The following SULT2B1 variants were observed in gnomAD, a reference collection of about 807,000 sequenced individuals.
SULT2B1 encodes the protein sulfotransferase family 2B member 1.
SULT2B1 carries 16 observed loss-of-function variants against 33.2 expected under a neutral mutation model. The observed-to-expected ratio is 0.48, with a 90% CI of 0.33 to 0.73. SULT2B1 has a LOEUF of 0.73. Ranked by LOEUF, SULT2B1 falls within the 30% of genes least tolerant of loss-of-function variation. The pLI, the probability that SULT2B1 is intolerant of heterozygous loss-of-function variation, is 0.02. For missense variants in SULT2B1, 500 were observed against 506.0 expected, an observed-to-expected ratio of 0.99 and a Z score of 0.11; for synonymous variants, 186 against 200.5, an observed-to-expected ratio of 0.93 and a Z score of 0.61.
At chr19:48,567,658 G>A (rs1348237473) in intron 1 of SULT2B1, among the ~76,000 whole-genome samples, 1 of 152,090 alleles carries the variant, frequency 6.6e-6, no homozygotes, top group Non-Finnish European at 1.5e-5. Flanking sequence ...TCTCCTGCTA[G>A]TGAGGAAGGC....
chr19:48,564,649 A>C (rs373053876), intron 1 of SULT2B1, among the ~76,000 whole-genome samples: 1 of 151,968 alleles, frequency 6.6e-6, no homozygotes, highest in East Asian at 1.9e-4. Context: ...CACCACCACT[A>C]AAATTTGGGG....
chr19:48,594,963 A>G (rs996104470), intron 5 of SULT2B1, among the ~76,000 whole-genome samples: 3 of 151,028 alleles, frequency 2.0e-5, no homozygotes. Flanking sequence ...TGGAGGTTGC[A>G]GTAAGCTGAG....
intron 5 of SULT2B1, among the ~76,000 whole-genome samples, chr19:48,594,800 C>G (rs1341496136): frequency 6.6e-6 from 1 of 152,160 alleles, no homozygotes; most frequent in Non-Finnish European, 1.5e-5. Flanking sequence ...AGGCAGATCA[C>G]TTGAGGTCAG....
rs574369839 is a variant in SULT2B1 at position 48,576,094 on chromosome 19, G to A, written c.214+11G>A. On this transcript the variant is annotated intron_variant, in intron 2 of 6. Transcript: ENST00000201586. ...CCTACCCCAAGTCAGGTACCTGCCG[G>A]GCTGCGGGCGTCGGGGGCTGGGGAG... 1.2e-5 allele frequency: 19 copies of A among 1,602,412 alleles called. No individual in the cohort carries two copies. In the South Asian group the frequency reaches 1.4e-4, roughly 12 times the overall value.
intron 1 of SULT2B1, among the ~76,000 whole-genome samples, chr19:48,567,003 A>T (rs948332201): frequency 1.4e-5 from 2 of 141,844 alleles, no homozygotes; most frequent in South Asian, 2.1e-4. Context: ...ACTCTGTTTT[A>T]AAAAAAAAGA....
intron 3 of SULT2B1, among the ~76,000 whole-genome samples, chr19:48,588,484 C>G (rs1973596448): frequency 6.8e-6 from 1 of 148,130 alleles, no homozygotes; most frequent in South Asian, 2.1e-4. Context: ...TGCACTCCAG[C>G]CTGGGCAACA....
Position 48,587,259 on chromosome 19 carries a change from TA to T in SULT2B1, c.247del (p.Ile83SerfsTer2), listed in dbSNP as rs1262161834. The T allele has an allele frequency of 6.2e-7, 1 of 1,613,868 alleles. No homozygotes were observed. On this transcript the variant is annotated frameshift_variant, in exon 3 of 7. Transcript: ENST00000201586. LOFTEE classifies it high-confidence loss of function. ...GTTWMIEIICLILKEGDPSWI... is the reference protein window; with the variant it reads ...GTTWMIEIICXILKEGDPSWI... The stretch of plus-strand genomic sequence containing the variant: ...ACCTGGATGATCGAGATCATCTGCT[TA>T]ATCCTGAAGGAAGGGGATCCATCCT...
At chr19:48,563,652 A>G (rs1238316337) in intron 1 of SULT2B1, among the ~76,000 whole-genome samples, 2 of 152,088 alleles carry the variant, frequency 1.3e-5, no homozygotes, top group Non-Finnish European at 1.5e-5. Flanking sequence ...GGGACAGGGC[A>G]GGGACTGATT....
chr19:48,596,461 A>G, intron 5 of SULT2B1: 1 of 204,344 alleles, frequency 4.9e-6, no homozygotes, highest in Middle Eastern at 1.4e-3. Context: ...CCCGGCTGTG[A>G]CCTCTGCCCC....
intron 1 of SULT2B1, among the ~76,000 whole-genome samples, chr19:48,568,247 C>T (rs1451260505): frequency 1.3e-5 from 2 of 148,448 alleles, no homozygotes; most frequent in Admixed American, 1.4e-4. Context: ...GATCAAGCCA[C>T]TGCATTCCAG....
chr19:48,563,907 T>C (rs1601089542), intron 1 of SULT2B1, among the ~76,000 whole-genome samples: 2 of 147,530 alleles, frequency 1.4e-5, no homozygotes, highest in Non-Finnish European at 3.0e-5. Flanking sequence ...AAGGTTGCAG[T>C]GAGCCAAGTT....
chr19:48,556,036 G>A (rs113786573), intron 1 of SULT2B1, among the ~76,000 whole-genome samples: 93 of 152,238 alleles, frequency 6.1e-4, no homozygotes, highest in African/African-American at 2.0e-3. Context: ...CACCGCGCCC[G>A]GCCTAATTTT....
At chr19:48,557,048 A>C (rs377353492) in intron 1 of SULT2B1, among the ~76,000 whole-genome samples, 1 of 152,036 alleles carries the variant, frequency 6.6e-6, no homozygotes, top group Admixed American at 6.6e-5. Flanking sequence ...CCAGGAGTTC[A>C]AGACCAGACT....
intron 1 of SULT2B1, among the ~76,000 whole-genome samples, chr19:48,562,780 G>A (rs9304677): frequency 0.5 from 75,901 of 151,696 alleles, 20,985 homozygotes; most frequent in African/African-American, 0.76. Context: ...CCCAGGTTCA[G>A]GCAATTCTCT....
intron 1 of SULT2B1, among the ~76,000 whole-genome samples, chr19:48,571,716 C>T (rs1259552187): frequency 6.6e-6 from 1 of 151,726 alleles, no homozygotes; most frequent in Non-Finnish European, 1.5e-5. Context: ...GTCAATAAAC[C>T]ATCAATGTCA....
chr19:48,587,229 G>C lies in SULT2B1; in HGVS notation c.215G>C (p.Gly72Ala). The C allele has an allele frequency of 6.2e-7, 1 of 1,606,912 alleles. No homozygotes were observed. Among genetic ancestry groups the C allele is most frequent in the South Asian group, 1.1e-5 (1 of 90,368 alleles). The change falls in exon 3 of 7, where the codon GGC becomes GCC. Residue 72 changes from glycine (G) to alanine (A), a missense_variant and splice_region_variant. Coordinates refer to ENST00000201586, the MANE Select transcript of SULT2B1 (RefSeq NM_177973.2). ...TAATCTGCTCGATTTCTCCCAACAG[G>C]CACGACCTGGATGATCGAGATCATC... ...DIFIITYPKS[G>A]TTWMIEIICL...
intron 6 of SULT2B1, among the ~76,000 whole-genome samples, chr19:48,598,563 G>A (rs1238828329): frequency 3.9e-5 from 6 of 152,160 alleles, no homozygotes; most frequent in East Asian, 3.9e-4. Context: ...CAGCCTGGGC[G>A]ACAGAGCGAG....
intron 1 of SULT2B1, among the ~76,000 whole-genome samples, chr19:48,573,155 CAAA>C (rs10589655): frequency 2.2e-3 from 271 of 122,226 alleles, no homozygotes; most frequent in Middle Eastern, 4.2e-3. Context: ...GACTCCATCT[CAAA>C]AAAAAAAAAA....
At chr19:48,556,591 C>T (rs1031627392) in intron 1 of SULT2B1, among the ~76,000 whole-genome samples, 2 of 151,218 alleles carry the variant, frequency 1.3e-5, no homozygotes, top group African/African-American at 4.9e-5. Flanking sequence ...TCAAATGGTT[C>T]GTTTTTTAAG....
Sources: allele counts gnomAD v4.1 joint callset (sites outside exome capture counted in the v4.1 genomes callset), GRCh38; gene constraint gnomAD v4.1.1; transcripts MANE v1.5; gene names NCBI Gene and HGNC (gene_info 2026-07-23, HGNC 2026-07-21).